Variants in CHRM3 observed in about 807,000 individuals in gnomAD.
CHRM3 encodes muscarinic acetylcholine receptor M3.
In CHRM3, 11 loss-of-function variants were observed where a neutral mutation model predicts 41.8. That is an observed-to-expected ratio of 0.26 (90% CI 0.17 to 0.44). The LOEUF (loss-of-function observed/expected upper bound fraction) is 0.44, where lower values mean the gene tolerates loss of function less well. Ranked by LOEUF, CHRM3 falls within the 20% of genes least tolerant of loss-of-function variation. The probability of loss-of-function intolerance (pLI) is 1.00; values close to 1 mark genes in which losing one functional copy is unlikely to be tolerated. For synonymous variants in CHRM3, 297 were observed against 301.4 expected (o/e 0.99, Z 0.15); for missense variants, 571 against 745.4 (o/e 0.77, Z 2.72).
chr1:239,428,678 T>G (rs1206140394), intron 1 of CHRM3, among the ~76,000 whole-genome samples: 1 of 152,240 alleles, frequency 6.6e-6, no homozygotes, highest in Non-Finnish European at 1.5e-5. Flanking sequence ...ATATTTTCCC[T>G]GTTTTAGTTT....
At chr1:239,683,827 C>G (rs1357088096) in intron 5 of CHRM3, among the ~76,000 whole-genome samples, 1 of 151,916 alleles carries the variant, frequency 6.6e-6, no homozygotes, top group Non-Finnish European at 1.5e-5. Flanking sequence ...TCTGACTTTT[C>G]TTGGCAAAGC....
At chr1:239,571,863 T>G (rs1186928103) in intron 3 of CHRM3, among the ~76,000 whole-genome samples, 1 of 152,210 alleles carries the variant, frequency 6.6e-6, no homozygotes, top group Admixed American at 6.5e-5. Context: ...TCTTTTCTTT[T>G]TTCCCCCTAG....
intron 6 of CHRM3, among the ~76,000 whole-genome samples, chr1:239,893,006 G>A (rs1230029986): frequency 6.6e-6 from 1 of 152,102 alleles, no homozygotes; most frequent in African/African-American, 2.4e-5. Flanking sequence ...TGGATCAGAC[G>A]GCTTTGGTTT....
intron 5 of CHRM3, among the ~76,000 whole-genome samples, chr1:239,686,585 A>G (rs2149122557): frequency 6.6e-6 from 1 of 152,222 alleles, no homozygotes; most frequent in Admixed American, 6.5e-5. Flanking sequence ...TCTGCACTAT[A>G]CTTTATCAAT....
At chr1:239,752,496 C>T (rs1311620026) in intron 5 of CHRM3, among the ~76,000 whole-genome samples, 1 of 152,072 alleles carries the variant, frequency 6.6e-6, no homozygotes, top group Non-Finnish European at 1.5e-5. Context: ...AAATAAATAG[C>T]TTGCAATATG....
At chr1:239,416,783 C>A (rs1463794762) in intron 1 of CHRM3, among the ~76,000 whole-genome samples, 8 of 152,112 alleles carry the variant, frequency 5.3e-5, no homozygotes, top group Non-Finnish European at 1.2e-4. Context: ...AGCCCAGATG[C>A]CTGCCAGCCA....
intron 3 of CHRM3, among the ~76,000 whole-genome samples, chr1:239,581,124 G>A (rs1330194349): frequency 1.3e-5 from 2 of 151,950 alleles, no homozygotes; most frequent in Admixed American, 6.6e-5. Flanking sequence ...TGCAGCATAC[G>A]GTACCATCGT....
rs1431278326 is a variant in CHRM3, at chr1:239,756,530, T to A, written c.-146-70722T>A. Among the ~76,000 whole-genome samples, 3 of 152,190 alleles carry A rather than the reference T, an allele frequency of 2.0e-5. No homozygotes were observed. The East Asian group carries it at 5.8e-4, about 29-fold the overall frequency. ...TAACATAACATGCATAGCCCTAAAA[T>A]GTTTGTGTGTGCTGGACCACTATAA... On this transcript the variant is annotated intron_variant, in intron 5 of 6. Coordinates refer to ENST00000676153, the MANE Select transcript of CHRM3 (RefSeq NM_001375978.1).
chr1:239,548,582 A>T (rs1006897290), intron 3 of CHRM3, among the ~76,000 whole-genome samples: 2 of 152,132 alleles, frequency 1.3e-5, no homozygotes, highest in Non-Finnish European at 2.9e-5. Flanking sequence ...TCCCCTGATG[A>T]GGACAGTAGT....
intron 2 of CHRM3, among the ~76,000 whole-genome samples, chr1:239,538,004 TG>T (rs1658375971): frequency 6.6e-6 from 1 of 152,150 alleles, no homozygotes; most frequent in African/African-American, 2.4e-5. Context: ...GCTTGGCATG[TG>T]GGTAGCCACG....
chr1:239,500,556 T>C (rs1212720138), intron 2 of CHRM3, among the ~76,000 whole-genome samples: 1 of 151,758 alleles, frequency 6.6e-6, no homozygotes, highest in Non-Finnish European at 1.5e-5. Flanking sequence ...ACATGGCACA[T>C]GTATACATAT....
chr1:239,410,151 T>G (rs982616687), intron 1 of CHRM3, among the ~76,000 whole-genome samples: 10 of 152,196 alleles, frequency 6.6e-5, no homozygotes, highest in African/African-American at 1.4e-4. Context: ...AAAATGGTTT[T>G]CAGTCATGTA....
At chr1:239,860,552 A>G (rs1285970061) in intron 6 of CHRM3, among the ~76,000 whole-genome samples, 2 of 152,172 alleles carry the variant, frequency 1.3e-5, no homozygotes, top group African/African-American at 4.8e-5. Context: ...ACATCAGGAG[A>G]TATCTTAGGG....
In CHRM3 at chr1:239,844,320, A is replaced by G. The variant is rs185811047; in HGVS notation, c.-20+16942A>G. Among the ~76,000 whole-genome samples, 352 of 152,244 alleles carry G rather than the reference A, an allele frequency of 2.3e-3. 1 individual carries two copies. The highest frequency in any genetic ancestry group is 0.014 in the Middle Eastern group (4 of 294). ...GAATGTAAAAAATCAAGGTTTAGGG[A>G]TTTGATATTTTTGGTGAACTCAATA... On this transcript the variant is annotated intron_variant, in intron 6 of 6. Coordinates refer to ENST00000676153, the MANE Select transcript of CHRM3 (RefSeq NM_001375978.1).
chr1:239,637,517 C>CTTTTTTTTTTTTT (rs149963225), intron 4 of CHRM3, among the ~76,000 whole-genome samples: 1 of 48,512 alleles, frequency 2.1e-5, no homozygotes, highest in African/African-American at 9.4e-5. Context: ...TCATCAAAGT[C>CTTTTTTTTTTTTT]TTTTTTTTTT....
intron 6 of CHRM3, among the ~76,000 whole-genome samples, chr1:239,885,373 A>G (rs1677980634): frequency 6.6e-6 from 1 of 152,172 alleles, no homozygotes; most frequent in South Asian, 2.1e-4. Flanking sequence ...GGGCAGGTCT[A>G]ACAAGTAACC....
chr1:239,853,736 A>T (rs1026493648), intron 6 of CHRM3, among the ~76,000 whole-genome samples: 3 of 152,126 alleles, frequency 2.0e-5, no homozygotes, highest in Admixed American at 6.6e-5. Context: ...CCTCTATGCA[A>T]AAATTCAGCA....
At chr1:239,640,248 C>T (rs1032751114) in intron 4 of CHRM3, among the ~76,000 whole-genome samples, 3 of 151,370 alleles carry the variant, frequency 2.0e-5, no homozygotes, top group African/African-American at 7.3e-5. Flanking sequence ...TGTCTCTGCC[C>T]GGCTTTGGTA....
At chr1:239,772,406 C>T (rs13376596) in intron 5 of CHRM3, among the ~76,000 whole-genome samples, 4,031 of 152,314 alleles carry the variant, frequency 0.026, 186 homozygotes, top group African/African-American at 0.091. Flanking sequence ...CCACCTCGGC[C>T]TTCCAAAGTG....
Sources: allele counts gnomAD v4.1 joint callset (sites outside exome capture counted in the v4.1 genomes callset), GRCh38; gene constraint gnomAD v4.1.1; transcripts MANE v1.5; gene names NCBI Gene and HGNC (gene_info 2026-07-23, HGNC 2026-07-21).